SLC22A23: variants seen among roughly 807,000 people sequenced by gnomAD.
The protein encoded by SLC22A23 is solute carrier family 22 member 23, also known as ion transporter protein.
SLC22A23 carries 26 observed loss-of-function variants against 61.0 expected under a neutral mutation model. The ratio of observed to expected loss-of-function variants is 0.43; its 90% CI spans 0.31 to 0.59. The LOEUF is 0.59. Ranked by LOEUF, SLC22A23 falls within the 20% of genes least tolerant of loss-of-function variation. The probability of loss-of-function intolerance (pLI) is 0.11; values close to 1 mark genes in which losing one functional copy is unlikely to be tolerated. For synonymous variants in SLC22A23, 430 were observed against 413.9 expected, an observed-to-expected ratio of 1.04 and a Z score of -0.47; for missense variants, 796 against 934.7, an observed-to-expected ratio of 0.85 and a Z score of 1.94.
At chr6:3,431,925 T>G (rs1187433549) in intron 1 of SLC22A23, among the ~76,000 whole-genome samples, 1 of 152,170 alleles carries the variant, frequency 6.6e-6, no homozygotes, top group Non-Finnish European at 1.5e-5. Context: ...TATAATGCAT[T>G]GTAGTTGTTG....
chr6:3,298,533 TG>T lies in SLC22A23; in HGVS notation c.1083-316del, dbSNP rs1185391700. ...AGAGGATACTAGAGGCTGGGAAGGG[TG>T]GGGGGAAACTGGGGATAGGGAGAGG... is the stretch of plus-strand genomic sequence containing the variant. On this transcript the variant is annotated intron_variant, in intron 4 of 9. Coordinates refer to ENST00000406686, the MANE Select transcript of SLC22A23 (RefSeq NM_015482.2). Among the ~76,000 whole-genome samples, 3 of 150,364 alleles carry T rather than the reference TG, an allele frequency of 2.0e-5. No individual in the cohort carries two copies. The East Asian group carries it at 5.9e-4, about 29-fold the overall frequency.
chr6:3,283,890 G>A lies in SLC22A23; in HGVS notation c.1665C>T (p.Ser555=), dbSNP rs778664301. 8 of 1,612,808 alleles carry A rather than the reference G, an allele frequency of 5.0e-6. No individual in the cohort carries two copies. In the East Asian group the frequency reaches 8.9e-5, roughly 18 times the overall value. Residue 555 remains serine (S), a synonymous_variant, in exon 9 of 10, where the codon AGC becomes AGT. Transcript: ENST00000406686. ...MFASHAVGSL[S]VFFCAEITPT... ...GGGTGATCTCCGCACAGAAGAACACGCTGAGGCTCCCCACCGCATGGGAGG... is the reference window on the plus strand; with the variant it reads ...GGGTGATCTCCGCACAGAAGAACACACTGAGGCTCCCCACCGCATGGGAGG...
rs1426658573 is a variant in SLC22A23 at position 3,273,167 on chromosome 6, G to A, written c.1949C>T (p.Pro650Leu). 6.2e-7 allele frequency: 1 copy of A among 1,612,428 alleles called. No individual in the cohort carries two copies. Among genetic ancestry groups the A allele is most frequent in the Non-Finnish European group, 8.5e-7 (1 of 1,179,774 alleles). ...GAGCTCGGCGTTGGTGAGCAGCAGT[G>A]GCTGCTCCCCCTTCTTGTGCGGCAG... Reference protein sequence around the residue: ...PLLPHKKGEQPLLLTNAELKD... With the variant: ...PLLPHKKGEQLLLLTNAELKD... The change falls in exon 10 of 10, where the codon CCA (proline) becomes CTA (leucine). Residue 650 changes from proline to leucine, a missense_variant. Pro to Leu is a moderately conservative substitution (Grantham distance 98). Coordinates refer to ENST00000406686, the MANE Select transcript of SLC22A23 (RefSeq NM_015482.2).
rs138000137 is a variant in SLC22A23 at position 3,287,040 on chromosome 6, G to A, written c.1365C>T (p.His455=). Residue 455 remains histidine, a synonymous_variant, in exon 7 of 10, where the codon CAC becomes CAT. Coordinates refer to ENST00000406686, the MANE Select transcript of SLC22A23 (RefSeq NM_015482.2). ...HHCFARSMMG[H]EVKVPLLENF... ...TCTCCAGGAGCGGCACCTTCACCTC[G>A]TGGCCCATCATGCTCCTGGCAAAGC... 8 of 1,614,058 alleles carry A rather than the reference G, an allele frequency of 5.0e-6. No homozygotes were observed. Among genetic ancestry groups the A allele is most frequent in the African/African-American group, 2.7e-5 (2 of 74,912 alleles).
intron 9 of SLC22A23, among the ~76,000 whole-genome samples, chr6:3,280,306 C>T (rs924596561): frequency 4.6e-5 from 7 of 152,104 alleles, no homozygotes; most frequent in African/African-American, 1.4e-4. Flanking sequence ...GAGGCGGCCT[C>T]AGGATCATGG....
chr6:3,404,054 C>T (rs1252793369), intron 3 of SLC22A23, among the ~76,000 whole-genome samples: 3 of 152,190 alleles, frequency 2.0e-5, no homozygotes, highest in African/African-American at 7.2e-5. Flanking sequence ...AGCACAGACA[C>T]ACTACTGAAA....
intron 9 of SLC22A23, among the ~76,000 whole-genome samples, chr6:3,275,133 A>G (rs1268499978): frequency 2.0e-5 from 3 of 152,246 alleles, no homozygotes; most frequent in Admixed American, 2.0e-4. Flanking sequence ...CAATAGATCA[A>G]TGGAACAGAA....
At chr6:3,277,358 C>T (rs768767647) in intron 9 of SLC22A23, among the ~76,000 whole-genome samples, 3 of 152,100 alleles carry the variant, frequency 2.0e-5, no homozygotes, top group East Asian at 1.9e-4. Flanking sequence ...GCTTCACACC[C>T]GCCCACCCTC....
chr6:3,394,179 T>C (rs1033904985), intron 3 of SLC22A23, among the ~76,000 whole-genome samples: 5 of 152,126 alleles, frequency 3.3e-5, no homozygotes, highest in African/African-American at 1.2e-4. Flanking sequence ...GATCGGGCAC[T>C]GTAATATCCC....
Position 3,330,884 on chromosome 6 carries a change from A to G in SLC22A23, c.914-6882T>C, listed in dbSNP as rs1554140346. The stretch of plus-strand genomic sequence containing the variant: ...AAGTATTTCTTACAAATCACATTCC[A>G]GTGTCTGCCAGACATGTAGACATAG... On this transcript the variant is annotated intron_variant, in intron 3 of 9. Transcript: ENST00000406686. This position sits in a 1 kb window ranked among gnomAD's most constrained non-coding sequence, Gnocchi z 4.7. Among the ~76,000 whole-genome samples, 1 of 152,250 alleles carries G rather than the reference A, an allele frequency of 6.6e-6. No individual in the cohort carries two copies. Among genetic ancestry groups the G allele is most frequent in the Non-Finnish European group, 1.5e-5 (1 of 68,044 alleles).
rs1328237421 is a variant in SLC22A23, at chr6:3,342,859, T to C, written c.914-18857A>G. ...TCACATATGTATACCGGCAGGAGAG[T>C]GCAAAAAATGGCTCAGAGAAGAGGT... On this transcript the variant is annotated intron_variant, in intron 3 of 9. Transcript: ENST00000406686. This position sits in a 1 kb window ranked among gnomAD's most constrained non-coding sequence, Gnocchi z 4.0. Among the ~76,000 whole-genome samples, 6 of 151,840 alleles carry C rather than the reference T, an allele frequency of 4.0e-5. No individual in the cohort carries two copies. The East Asian group carries it at 1.2e-3, about 29-fold the overall frequency.
chr6:3,287,817 G>A (rs1298459803), intron 6 of SLC22A23, among the ~76,000 whole-genome samples: 1 of 151,928 alleles, frequency 6.6e-6, no homozygotes, highest in East Asian at 1.9e-4. Flanking sequence ...CCAAGTAGCT[G>A]GGATTACAGG....
At chr6:3,409,164 G>C (rs9503582) in intron 3 of SLC22A23, among the ~76,000 whole-genome samples, 32,410 of 152,172 alleles carry the variant, frequency 0.21, 4,912 homozygotes, top group African/African-American at 0.44. Flanking sequence ...TAAGACAAAT[G>C]CAAGTAAACT....
chr6:3,341,807 G>A (rs1764172657), intron 3 of SLC22A23, among the ~76,000 whole-genome samples: 1 of 152,064 alleles, frequency 6.6e-6, no homozygotes, highest in Admixed American at 6.5e-5. Context: ...GCAGGAAACT[G>A]AACACAAGCT....
At chr6:3,285,163 GAAGA>G (rs1561865551) in intron 7 of SLC22A23, 52 bp from the exon 8 acceptor site, 2 of 1,605,570 alleles carry the variant, frequency 1.2e-6, no homozygotes, top group Admixed American at 3.4e-5. Flanking sequence ...AAGCAAGCGA[GAAGA>G]GAGAAGAGAG....
At chr6:3,290,734 C>G (rs80138783) in intron 5 of SLC22A23, 16,144 of 152,620 alleles carry the variant, frequency 0.11, 1,168 homozygotes, top group African/African-American at 0.2. Flanking sequence ...GGTGGGGGTG[C>G]TGGCCTCCAG....
rs576732093 is a variant in SLC22A23 at position 3,270,687 on chromosome 6, G to A, written c.*2368C>T. 3 of 152,510 alleles carry A rather than the reference G, an allele frequency of 2.0e-5. No homozygotes were observed. The highest frequency in any genetic ancestry group is 7.2e-5 in the African/African-American group (3 of 41,566). 9.4% of individuals were successfully genotyped at this position (152,510 alleles called of 1,614,324 possible). A position where few individuals can be genotyped will look rare whatever the true frequency, so the allele number is the denominator to read the frequency against. The stretch of plus-strand genomic sequence containing the variant: ...AGTCATCGATGGATTAGTCCTGATG[G>A]CTGAAGTGCTGAGCAGTGTCTTCGT... On this transcript the variant is annotated 3_prime_UTR_variant, in exon 10 of 10. Coordinates refer to ENST00000406686, the MANE Select transcript of SLC22A23 (RefSeq NM_015482.2).
Position 3,304,153 on chromosome 6 carries a change from G to C in SLC22A23, c.1083-5935C>G, listed in dbSNP as rs1761809138. On this transcript the variant is annotated intron_variant, in intron 4 of 9. Transcript: ENST00000406686. The surrounding 1 kb of genome is among the most constrained non-coding windows in gnomAD (Gnocchi z 4.3). ...AGGAGAAAAGTCTCTCCTTGTCCCA[G>C]ACTTCAAAGCCACAGGCACAGACCA... Among the ~76,000 whole-genome samples the C allele has an allele frequency of 6.6e-6, 1 of 152,192 alleles. No individual in the cohort carries two copies. Among genetic ancestry groups the C allele is most frequent in the South Asian group, 2.1e-4 (1 of 4,832 alleles).
chr6:3,361,856 ACG>A (rs1765471243), intron 3 of SLC22A23, among the ~76,000 whole-genome samples: 1 of 152,200 alleles, frequency 6.6e-6, no homozygotes, highest in East Asian at 1.9e-4. Flanking sequence ...TTCTCACGCT[ACG>A]ACCTAGGGAG....
Sources: gnomAD v4.1 joint callset for allele counts (sites outside exome capture counted in the v4.1 genomes callset) on GRCh38, gnomAD v4.1.1 for gene constraint, Gnocchi (gnomAD v3.1) non-coding constraint, MANE v1.5 for transcripts, NCBI Gene and HGNC (gene_info 2026-07-23, HGNC 2026-07-21) for gene names.